Variants in CSMD3 observed in about 807,000 individuals in gnomAD.
CSMD3 encodes CUB and sushi domain-containing protein 3.
In CSMD3, 177 loss-of-function variants were observed where a neutral mutation model predicts 435.2. That is an observed-to-expected ratio of 0.41 (90% CI 0.36 to 0.46). CSMD3 has a LOEUF of 0.46. Ranked by LOEUF, CSMD3 falls within the 20% of genes least tolerant of loss-of-function variation. The pLI, the probability that CSMD3 is intolerant of heterozygous loss-of-function variation, is 0.34. For missense variants in CSMD3, 4,265 were observed against 4,504.6 expected, an observed-to-expected ratio of 0.95 and a Z score of 1.52; for synonymous variants, 1,656 against 1,520.5, an observed-to-expected ratio of 1.09 and a Z score of -2.07.
At chr8:112,726,872 G>T (rs1044616406) in intron 13 of CSMD3, among the ~76,000 whole-genome samples, 33 of 151,764 alleles carry the variant, frequency 2.2e-4, no homozygotes, top group African/African-American at 7.7e-4. Context: ...GCAACAAAAT[G>T]ATATTACATC....
chr8:112,461,555 A>G (rs1482814373), intron 32 of CSMD3, among the ~76,000 whole-genome samples: 2 of 152,154 alleles, frequency 1.3e-5, no homozygotes, highest in African/African-American at 4.8e-5. Context: ...CATTCAAGGA[A>G]TTATTTTGTG....
intron 5 of CSMD3, among the ~76,000 whole-genome samples, chr8:113,093,863 T>C (rs1301348700): frequency 2.6e-5 from 4 of 152,158 alleles, no homozygotes; most frequent in Non-Finnish European, 4.4e-5. Flanking sequence ...TACATAGATT[T>C]TCTATGTTAT....
rs575564271 is a variant in CSMD3 at position 112,970,833 on chromosome 8, T to A, written c.1342+5004A>T. 9.2e-5 allele frequency among the ~76,000 whole-genome samples: 14 copies of A among 152,028 alleles called. No homozygotes were observed. The East Asian group carries it at 2.5e-3, about 28-fold the overall frequency. On this transcript the variant is annotated intron_variant, in intron 7 of 70. Coordinates refer to ENST00000297405, the MANE Select transcript of CSMD3 (RefSeq NM_198123.2). ...GCCTCCTGGGTTCACGCTATTCTCC[T>A]GCCTCGGCCTCCCGAGTAGCTGGGA...
chr8:112,970,870 C>A (rs940252585), intron 7 of CSMD3, among the ~76,000 whole-genome samples: 1 of 151,888 alleles, frequency 6.6e-6, no homozygotes, highest in Middle Eastern at 3.4e-3. Flanking sequence ...TACAGGCGCC[C>A]GCCACCACGC....
chr8:113,283,060 C>A (rs1438798913), intron 2 of CSMD3, among the ~76,000 whole-genome samples: 1 of 152,070 alleles, frequency 6.6e-6, no homozygotes, highest in East Asian at 1.9e-4. Context: ...GGATCCTCAT[C>A]TTTCACCTTA....
In CSMD3 at chr8:112,606,314, G is replaced by GACTC. The variant is rs1832788649; in HGVS notation, c.3716-19083_3716-19080dup. Among the ~76,000 whole-genome samples, 6 of 152,216 alleles carry GACTC rather than the reference G, an allele frequency of 3.9e-5. No homozygotes were observed. The South Asian group carries it at 1.2e-3, about 32-fold the overall frequency. ...CCAGCATGCAGAACACTGCCTAATA[G>GACTC]ACTCACTTCTATCTTGCTTCACCTA... On this transcript the variant is annotated intron_variant, in intron 22 of 70. Coordinates refer to ENST00000297405, the MANE Select transcript of CSMD3 (RefSeq NM_198123.2).
chr8:113,186,868 C>T (rs2092511033), intron 3 of CSMD3, among the ~76,000 whole-genome samples: 1 of 151,876 alleles, frequency 6.6e-6, no homozygotes, highest in Non-Finnish European at 1.5e-5. Context: ...GAGCTTTTGC[C>T]ATGAGTCCGA....
At chr8:112,680,238 G>T (rs1196933945) in intron 16 of CSMD3, among the ~76,000 whole-genome samples, 3 of 152,180 alleles carry the variant, frequency 2.0e-5, no homozygotes, top group Admixed American at 6.5e-5. Context: ...TGCACCTATA[G>T]TCCCAGCTAC....
chr8:113,108,918 T>C (rs1487099193), intron 4 of CSMD3, among the ~76,000 whole-genome samples: 2 of 152,188 alleles, frequency 1.3e-5, no homozygotes, highest in East Asian at 1.9e-4. Flanking sequence ...CAAATGTGCA[T>C]GTGTAAATTG....
At chr8:112,874,743 T>C (rs2081232625) in intron 10 of CSMD3, among the ~76,000 whole-genome samples, 1 of 152,024 alleles carries the variant, frequency 6.6e-6, no homozygotes, top group Non-Finnish European at 1.5e-5. Context: ...TTTATTTATT[T>C]ATTCATTTTT....
chr8:113,016,498 T>G (rs2086463917), intron 6 of CSMD3, among the ~76,000 whole-genome samples: 2 of 151,792 alleles, frequency 1.3e-5, no homozygotes, highest in East Asian at 3.8e-4. Context: ...TGCAGTTAAT[T>G]TTCATGGTAT....
At chr8:113,417,880 A>G (rs775303811) in intron 1 of CSMD3, among the ~76,000 whole-genome samples, 4 of 152,112 alleles carry the variant, frequency 2.6e-5, no homozygotes, top group Admixed American at 6.6e-5. Flanking sequence ...AACTCAATGT[A>G]TTATAAGAAA....
intron 1 of CSMD3, among the ~76,000 whole-genome samples, chr8:113,388,919 T>G (rs2094450178): frequency 6.6e-6 from 1 of 151,594 alleles, no homozygotes; most frequent in African/African-American, 2.4e-5. Flanking sequence ...AATTAAAACA[T>G]GAGTGTAAGA....
At chr8:112,542,749 G>T (rs975209982) in intron 27 of CSMD3, among the ~76,000 whole-genome samples, 1 of 151,978 alleles carries the variant, frequency 6.6e-6, no homozygotes, top group African/African-American at 2.4e-5. Context: ...AAAATAACTT[G>T]AATAGTCAAA....
At chr8:112,436,376 G>A (rs1254816875) in intron 32 of CSMD3, among the ~76,000 whole-genome samples, 1 of 151,660 alleles carries the variant, frequency 6.6e-6, no homozygotes, top group African/African-American at 2.4e-5. Flanking sequence ...GAGTTACTAG[G>A]ACAAAGACAT....
intron 10 of CSMD3, among the ~76,000 whole-genome samples, chr8:112,885,044 C>A (rs2081551579): frequency 6.6e-6 from 1 of 151,676 alleles, no homozygotes; most frequent in African/African-American, 2.4e-5. Flanking sequence ...TTGTTTATCT[C>A]TAAAAGCTAT....
intron 10 of CSMD3, among the ~76,000 whole-genome samples, chr8:112,895,335 A>C (rs1188477801): frequency 6.6e-6 from 1 of 151,448 alleles, no homozygotes; most frequent in East Asian, 2.0e-4. Context: ...CGGTAAGTGG[A>C]GCCTGAATAG....
intron 13 of CSMD3, among the ~76,000 whole-genome samples, chr8:112,701,803 G>A (rs959357397): frequency 1.3e-5 from 2 of 152,110 alleles, no homozygotes; most frequent in Non-Finnish European, 2.9e-5. Context: ...TGAAGCACTT[G>A]TTGTTCCCTT....
At chr8:112,720,699 A>G (rs892829729) in intron 13 of CSMD3, among the ~76,000 whole-genome samples, 2 of 152,152 alleles carry the variant, frequency 1.3e-5, no homozygotes. Context: ...CCAACGTGCC[A>G]AGCACAGTGC....
Sources: gnomAD v4.1 joint callset for allele counts (sites outside exome capture counted in the v4.1 genomes callset) on GRCh38, gnomAD v4.1.1 for gene constraint, MANE v1.5 for transcripts, NCBI Gene and HGNC (gene_info 2026-07-23, HGNC 2026-07-21) for gene names.